RNF128: variants seen among roughly 807,000 people sequenced by gnomAD.
The protein encoded by RNF128 is E3 ubiquitin-protein ligase RNF128.
In RNF128, 13 loss-of-function variants were observed where a neutral mutation model predicts 26.2. The ratio of observed to expected loss-of-function variants is 0.50; its 90% CI spans 0.32 to 0.79. RNF128 has a LOEUF of 0.79. Among genes scored for constraint, RNF128 ranks in the 30% least tolerant of loss-of-function variants. The pLI is 0.03. For missense variants in RNF128, 315 were observed against 349.7 expected (o/e 0.90, Z 0.79); for synonymous variants, 149 against 142.5 (o/e 1.05, Z -0.32).
chrX:106,746,237 A>G (rs1395345908), intron 1 of RNF128, among the ~76,000 whole-genome samples: 2 of 110,998 alleles, frequency 1.8e-5, no homozygotes, highest in Non-Finnish European at 3.8e-5. Context: ...ATATGTTAAT[A>G]TTAGAAAATG....
At position 106,754,625 on chromosome X, in the gene RNF128, T is replaced by C. The variant is rs773762892; in HGVS notation, c.485-18288T>C. 2.8e-5 allele frequency among the ~76,000 whole-genome samples: 3 copies of C among 108,566 alleles called. No homozygotes were observed. The East Asian group carries it at 8.5e-4, about 31-fold the overall frequency. 94.3% of individuals were successfully genotyped at this position (108,566 alleles called of 115,157 possible). ...CCACAATGGAATAAAACTAAGTCAATAATAACAGAAACTTTGGAAACTATA... is the reference window on the plus strand; with the variant it reads ...CCACAATGGAATAAAACTAAGTCAACAATAACAGAAACTTTGGAAACTATA... On this transcript the variant is annotated intron_variant, in intron 1 of 6. Transcript: ENST00000255499.
At chrX:106,724,763 C>T (rs184921932), upstream of RNF128, among the ~76,000 whole-genome samples, 141 of 111,911 alleles carry the variant, frequency 1.3e-3, no homozygotes, top group African/African-American at 4.2e-3. Flanking sequence ...CACTACTACC[C>T]TGTCATATCT....
At position 106,795,831 on chromosome X, in the gene RNF128, A is replaced by G; in HGVS notation, c.*118A>G. The G allele has an allele frequency of 1.7e-6, 1 of 571,715 alleles. No homozygotes were observed. Among genetic ancestry groups the G allele is most frequent in the African/African-American group, 2.3e-5 (1 of 42,588 alleles). 47.1% of individuals were successfully genotyped at this position (571,715 alleles called of 1,213,427 possible). ...AATAAGAGTGATACTGAAAGTGCTCAGATGACTAATATTATGCTATAGTTA... is the reference window on the plus strand; with the variant it reads ...AATAAGAGTGATACTGAAAGTGCTCGGATGACTAATATTATGCTATAGTTA... On this transcript the variant is annotated 3_prime_UTR_variant, in exon 7 of 7. Coordinates refer to ENST00000255499, the MANE Select transcript of RNF128 (RefSeq NM_194463.2).
intron 1 of RNF128, among the ~76,000 whole-genome samples, chrX:106,745,717 G>A (rs1242395067): frequency 9.0e-6 from 1 of 111,627 alleles, no homozygotes; most frequent in African/African-American, 3.3e-5. Context: ...TGCTATGAAG[G>A]AATCAAGAAA....
chrX:106,718,975 C>A (rs776461523), intron 1 of RNF128, among the ~76,000 whole-genome samples: 6 of 112,006 alleles, frequency 5.4e-5, no homozygotes, highest in Non-Finnish European at 1.1e-4. Context: ...ATATAGTTGG[C>A]AGCTGTGAAT....
At chrX:106,776,149 C>T (rs1930461045) in intron 2 of RNF128, among the ~76,000 whole-genome samples, 1 of 112,381 alleles carries the variant, frequency 8.9e-6, no homozygotes, top group Non-Finnish European at 1.9e-5. Context: ...TATGGGAAAC[C>T]TTATGGCATA....
chrX:106,731,830 T>C (rs1193702197), intron 1 of RNF128, among the ~76,000 whole-genome samples: 1 of 111,755 alleles, frequency 8.9e-6, no homozygotes, highest in Non-Finnish European at 1.9e-5. Flanking sequence ...AATACCCTGC[T>C]TTCAGTTCCT....
At chrX:106,736,106 A>C (rs1357913200) in intron 1 of RNF128, among the ~76,000 whole-genome samples, 1 of 111,638 alleles carries the variant, frequency 9.0e-6, no homozygotes, top group Non-Finnish European at 1.9e-5. Context: ...CACTGACTTC[A>C]TCTAATGGTG....
At chrX:106,795,537 G>A (rs1286301940) in intron 6 of RNF128, 43 bp from the exon 7 acceptor site, 6 of 1,151,066 alleles carry the variant, frequency 5.2e-6, no homozygotes, top group Non-Finnish European at 6.9e-6. Flanking sequence ...CTTAAAAGAG[G>A]AGAGGGGCAA....
chrX:106,775,875 G>A lies in RNF128; in HGVS notation c.732+2715G>A, dbSNP rs1001992941. On this transcript the variant is annotated intron_variant, in intron 2 of 6. Transcript: ENST00000255499. ...AGAATTTCTTCCTTCTGAAGGTTATGATACATGGTATATAATGTCAGGAAA... is the reference window on the plus strand; with the variant it reads ...AGAATTTCTTCCTTCTGAAGGTTATAATACATGGTATATAATGTCAGGAAA... Among the ~76,000 whole-genome samples the A allele has an allele frequency of 9.0e-5, 10 of 111,689 alleles. No individual in the cohort carries two copies. The Admixed American group carries it at 9.5e-4, about 11-fold the overall frequency.
upstream of RNF128, among the ~76,000 whole-genome samples, chrX:106,722,902 T>C (rs1929338284): frequency 9.0e-6 from 1 of 111,055 alleles, no homozygotes; most frequent in Non-Finnish European, 1.9e-5. Context: ...ATGATTTTAA[T>C]GACTCACGTT....
chrX:106,720,877 G>A (rs934467064), intron 1 of RNF128, among the ~76,000 whole-genome samples: 3 of 111,317 alleles, frequency 2.7e-5, no homozygotes, highest in Non-Finnish European at 5.7e-5. Flanking sequence ...CCCATAGTAG[G>A]CTCTCAATGG....
At chrX:106,774,812 A>T (rs1374324199) in intron 2 of RNF128, among the ~76,000 whole-genome samples, 2 of 111,733 alleles carry the variant, frequency 1.8e-5, no homozygotes, top group Non-Finnish European at 3.8e-5. Flanking sequence ...ATATGTACTG[A>T]GCAGTTTCTC....
At chrX:106,725,875 G>C (rs745997623), upstream of RNF128, among the ~76,000 whole-genome samples, 2 of 113,106 alleles carry the variant, frequency 1.8e-5, no homozygotes, top group South Asian at 3.6e-4. Context: ...ATAGTTGACA[G>C]GGTAGACAAA....
chrX:106,727,022 CG>C lies in RNF128; in HGVS notation c.115del (p.Ala39LeufsTer20). 2 of 1,205,837 alleles carry C rather than the reference CG, an allele frequency of 1.7e-6. No homozygotes were observed. Among genetic ancestry groups the C allele is most frequent in the Non-Finnish European group, 2.2e-6 (2 of 893,107 alleles). On this transcript the variant is annotated frameshift_variant, in exon 1 of 7. Coordinates refer to ENST00000255499, the MANE Select transcript of RNF128 (RefSeq NM_194463.2). LOFTEE classifies it high-confidence loss of function. ...CCTGAGTCCGCAGGCACCCGGTTCC[CG>C]GGGGGCTGAAGCAGTGTGGACCGCG... ...LALSPQAPGS[R>X]GAEAVWTAYL...
rs1023895343 is a variant in RNF128 at position 106,791,196 on chromosome X, C to T, written c.1115C>T (p.Thr372Ile). The T allele has an allele frequency of 2.4e-5, 29 of 1,207,117 alleles. No homozygotes were observed. Among genetic ancestry groups the T allele is most frequent in the African/African-American group, 5.3e-5 (3 of 56,886 alleles). ...TCTGGATATGCTTCAGTACAGGGAA[C>T]AGATGAACCGCCTCTGGAGGAACAC... ...ASSGYASVQG[T>I]DEPPLEEHVQ... Residue 372 changes from threonine to isoleucine, a missense_variant, in exon 6 of 7, where the codon ACA (threonine) becomes ATA (isoleucine). Transcript: ENST00000255499.
chrX:106,771,464 TC>T (rs1196157094), intron 1 of RNF128, among the ~76,000 whole-genome samples: 1 of 112,548 alleles, frequency 8.9e-6, no homozygotes, highest in African/African-American at 3.2e-5. Flanking sequence ...CGTACGCCCC[TC>T]CCCCAGCCCC....
chrX:106,788,580 C>A (rs1602393194), intron 4 of RNF128, among the ~76,000 whole-genome samples: 1 of 50,920 alleles, frequency 2.0e-5, no homozygotes, highest in East Asian at 7.1e-4. Flanking sequence ...TAGTATATAT[C>A]TTACATAGTA....
chrX:106,726,739 C>G lies in RNF128; in HGVS notation c.-175C>G. 9.6e-7 allele frequency: 1 copy of G among 1,046,643 alleles called. No individual in the cohort carries two copies. Among genetic ancestry groups the G allele is most frequent in the South Asian group, 2.7e-5 (1 of 37,279 alleles). 86.3% of individuals were successfully genotyped at this position (1,046,643 alleles called of 1,213,427 possible). ...AGACTGGAGCTCCGAGGAGCTGCATCTGCGGCAACCTGTGTGCTGACGCTA... is the reference window on the plus strand; with the variant it reads ...AGACTGGAGCTCCGAGGAGCTGCATGTGCGGCAACCTGTGTGCTGACGCTA... On this transcript the variant is annotated 5_prime_UTR_variant, in exon 1 of 7. It adds an upstream start codon to the 5' untranslated region. Transcript: ENST00000255499.
Sources: gnomAD v4.1 joint callset for allele counts (sites outside exome capture counted in the v4.1 genomes callset) on GRCh38, gnomAD v4.1.1 for gene constraint, MANE v1.5 for transcripts, NCBI Gene and HGNC (gene_info 2026-07-23, HGNC 2026-07-21) for gene names.